Variants in PTPRM observed in about 807,000 individuals in gnomAD.
PTPRM encodes receptor-type tyrosine-protein phosphatase mu.
In PTPRM, 47 loss-of-function variants were observed where a neutral mutation model predicts 186.7. The observed-to-expected ratio is 0.25, with a 90% CI of 0.20 to 0.32. The LOEUF is 0.32. Among genes scored for constraint, PTPRM ranks in the 10% least tolerant of loss-of-function variants. The probability of loss-of-function intolerance (pLI) is 1.00; values close to 1 mark genes in which losing one functional copy is unlikely to be tolerated. For missense variants in PTPRM, 1,494 were observed against 1,865.0 expected, an observed-to-expected ratio of 0.80 and a Z score of 3.66; for synonymous variants, 668 against 674.9, an observed-to-expected ratio of 0.99 and a Z score of 0.16.
At chr18:7,856,941 A>G (rs1039471105) in intron 2 of PTPRM, among the ~76,000 whole-genome samples, 1 of 152,174 alleles carries the variant, frequency 6.6e-6, no homozygotes, top group African/African-American at 2.4e-5. Context: ...AAATGGGAGC[A>G]TTATCTCCTG....
At chr18:7,798,132 A>G (rs2043762830) in intron 2 of PTPRM, among the ~76,000 whole-genome samples, 1 of 152,184 alleles carries the variant, frequency 6.6e-6, no homozygotes, top group African/African-American at 2.4e-5. Flanking sequence ...TGTGCAAGAA[A>G]GAGTAAATAA....
intron 15 of PTPRM, among the ~76,000 whole-genome samples, chr18:8,245,246 G>A (rs758695422): frequency 4.6e-5 from 7 of 152,174 alleles, no homozygotes; most frequent in East Asian, 1.9e-4. Context: ...TCTCGTACAC[G>A]CGGCTGAGCT....
At chr18:7,842,596 T>C (rs1218998778) in intron 2 of PTPRM, among the ~76,000 whole-genome samples, 1 of 152,024 alleles carries the variant, frequency 6.6e-6, no homozygotes, top group African/African-American at 2.4e-5. Flanking sequence ...CACCATAATA[T>C]GGGTGAGCCT....
chr18:8,201,202 G>C (rs1261648682), intron 14 of PTPRM, among the ~76,000 whole-genome samples: 1 of 152,172 alleles, frequency 6.6e-6, no homozygotes, highest in African/African-American at 2.4e-5. Flanking sequence ...TGTAGCCCCA[G>C]CTACTCGGGA....
At chr18:7,784,835 A>G (rs373616134) in intron 2 of PTPRM, among the ~76,000 whole-genome samples, 23 of 152,276 alleles carry the variant, frequency 1.5e-4, no homozygotes, top group African/African-American at 5.5e-4. Context: ...CAGGCCATGT[A>G]GAAGTGGTGT....
intron 23 of PTPRM, among the ~76,000 whole-genome samples, chr18:8,370,003 A>C (rs1227389299): frequency 6.6e-6 from 1 of 152,136 alleles, no homozygotes; most frequent in Non-Finnish European, 1.5e-5. Flanking sequence ...CAGCACATGG[A>C]GAAACAGGGC....
intron 2 of PTPRM, among the ~76,000 whole-genome samples, chr18:7,824,840 C>G (rs1018396282): frequency 6.6e-6 from 1 of 152,158 alleles, no homozygotes; most frequent in Non-Finnish European, 1.5e-5. Flanking sequence ...TGCATGAACT[C>G]TGGCCCCAGG....
intron 1 of PTPRM, among the ~76,000 whole-genome samples, chr18:7,679,042 G>C (rs1436604010): frequency 6.6e-6 from 1 of 152,196 alleles, no homozygotes; most frequent in Non-Finnish European, 1.5e-5. Flanking sequence ...TTGCCCAGCA[G>C]TGGATGCTCA....
intron 23 of PTPRM, among the ~76,000 whole-genome samples, chr18:8,344,446 GTGTATATATATATATA>G (rs1302073616): frequency 5.8e-3 from 97 of 16,622 alleles, no homozygotes; most frequent in African/African-American, 7.2e-3. Flanking sequence ...GTGTGTGTGT[GTGTATATATATATATA>G]TATATATATA....
chr18:8,372,156 C>T (rs1307645767), intron 24 of PTPRM, among the ~76,000 whole-genome samples: 2 of 139,496 alleles, frequency 1.4e-5, no homozygotes, highest in Admixed American at 1.5e-4. Context: ...ACTGCAAGCT[C>T]CGCTTCCCGG....
intron 31 of PTPRM, 106 bp from the exon 32 acceptor site, chr18:8,394,370 T>C (rs897425295): frequency 2.3e-5 from 30 of 1,311,806 alleles, no homozygotes; most frequent in Non-Finnish European, 3.0e-5. Flanking sequence ...TCAGAGCCCT[T>C]TGTTGTTACT....
chr18:8,379,499 T>A (rs997120766), intron 28 of PTPRM, among the ~76,000 whole-genome samples, 159 bp downstream of exon 28: 1 of 152,202 alleles, frequency 6.6e-6, no homozygotes, highest in East Asian at 1.9e-4. Flanking sequence ...CACGTATGTT[T>A]TTGTGTCGGG....
At chr18:7,981,778 C>T (rs1194106354) in intron 7 of PTPRM, among the ~76,000 whole-genome samples, 3 of 152,186 alleles carry the variant, frequency 2.0e-5, no homozygotes, top group Non-Finnish European at 4.4e-5. Context: ...TATGGTATAG[C>T]CAAGGCTCCT....
chr18:8,308,672 C>A (rs543135000), intron 20 of PTPRM, among the ~76,000 whole-genome samples: 11 of 152,262 alleles, frequency 7.2e-5, no homozygotes, highest in African/African-American at 2.6e-4. Context: ...CTAACAGATA[C>A]CCTATTAGAC....
In PTPRM at chr18:8,279,055, T is replaced by A. The variant is rs191399755; in HGVS notation, c.2755-17313T>A. 5.4e-3 allele frequency among the ~76,000 whole-genome samples: 823 copies of A among 152,096 alleles called. 1 individual carries two copies. Among genetic ancestry groups the A allele is most frequent in the African/African-American group, 0.019 (779 of 41,476 alleles). Reference sequence around the variant, plus strand: ...AACAAAGCTGCACGTTGCGCACATGTACCCTAGAACTTAAAGTATAATACA... The same window carrying A: ...AACAAAGCTGCACGTTGCGCACATGAACCCTAGAACTTAAAGTATAATACA... On this transcript the variant is annotated intron_variant, in intron 19 of 32. Transcript: ENST00000580170.
intron 1 of PTPRM, among the ~76,000 whole-genome samples, chr18:7,728,758 C>CT (rs1156660382): frequency 6.6e-6 from 1 of 152,180 alleles, no homozygotes; most frequent in African/African-American, 2.4e-5. Context: ...CCTCCTGCCT[C>CT]TATCAGCAGC....
intron 24 of PTPRM, among the ~76,000 whole-genome samples, chr18:8,372,604 T>A (rs1171422171): frequency 2.6e-5 from 4 of 152,198 alleles, no homozygotes; most frequent in African/African-American, 7.2e-5. Flanking sequence ...CTGTCTTTTT[T>A]AATAAGCAGG....
intron 14 of PTPRM, among the ~76,000 whole-genome samples, chr18:8,157,090 T>A (rs11872351): frequency 6.6e-6 from 1 of 152,234 alleles, no homozygotes; most frequent in African/African-American, 2.4e-5. Flanking sequence ...GTGGAGACCC[T>A]GGGGACAGCT....
At chr18:8,096,649 T>C (rs1020479658) in intron 11 of PTPRM, among the ~76,000 whole-genome samples, 3 of 152,220 alleles carry the variant, frequency 2.0e-5, no homozygotes, top group African/African-American at 7.2e-5. Flanking sequence ...TATATTACTT[T>C]ACGAATTGTA....
Sources: allele counts gnomAD v4.1 joint callset (sites outside exome capture counted in the v4.1 genomes callset), GRCh38; gene constraint gnomAD v4.1.1; transcripts MANE v1.5; gene names NCBI Gene and HGNC (gene_info 2026-07-23, HGNC 2026-07-21).